SORCS2: variants seen among roughly 807,000 people sequenced by gnomAD.
The protein encoded by SORCS2 is VPS10 domain-containing receptor SorCS2.
Under a neutral mutation model 141.6 loss-of-function variants are expected in SORCS2, and 100 were observed. The ratio of observed to expected loss-of-function variants is 0.71; its 90% CI spans 0.60 to 0.83. SORCS2 has a LOEUF of 0.83. Among genes scored for constraint, SORCS2 ranks in the 40% least tolerant of loss-of-function variants. The pLI is 0.00. For missense variants in SORCS2, 1,646 were observed against 1,560.2 expected, an observed-to-expected ratio of 1.05 and a Z score of -0.93; for synonymous variants, 789 against 676.9, an observed-to-expected ratio of 1.17 and a Z score of -2.57.
At chr4:7,294,590 G>A (rs978128595) in intron 1 of SORCS2, among the ~76,000 whole-genome samples, 2 of 151,478 alleles carry the variant, frequency 1.3e-5, no homozygotes, top group South Asian at 4.2e-4. Context: ...GACTGTTTTT[G>A]TCCTCTGGGC....
chr4:7,440,055 A>G (rs1727558850), intron 2 of SORCS2, among the ~76,000 whole-genome samples: 1 of 152,252 alleles, frequency 6.6e-6, no homozygotes, highest in Non-Finnish European at 1.5e-5. Context: ...TATCACAGAC[A>G]TTCATCCTCC....
At position 7,664,335 on chromosome 4, in the gene SORCS2, G is replaced by T; in HGVS notation, c.953-18G>T. The T allele has an allele frequency of 6.2e-7, 1 of 1,605,146 alleles. No homozygotes were observed. The highest frequency in any genetic ancestry group is 8.5e-7 in the Non-Finnish European group (1 of 1,173,984). ...CGGCTGGAGTCTGACCGCCTGGGTCGGCGCCTCTCTCCTGTAGATTTTCGG... is the reference window on the plus strand; with the variant it reads ...CGGCTGGAGTCTGACCGCCTGGGTCTGCGCCTCTCTCCTGTAGATTTTCGG... On this transcript the variant is annotated intron_variant, in intron 6 of 26. Transcript: ENST00000507866. The surrounding 1 kb of genome is among the most constrained non-coding windows in gnomAD (Gnocchi z 4.7).
At chr4:7,525,028 G>A (rs889773400) in intron 2 of SORCS2, among the ~76,000 whole-genome samples, 3 of 152,240 alleles carry the variant, frequency 2.0e-5, no homozygotes, top group African/African-American at 7.2e-5. Flanking sequence ...CGGACACAGC[G>A]CGGGGAGAGG....
In SORCS2 at chr4:7,697,707, G is replaced by A. The variant is rs1184241498; in HGVS notation, c.1668+433G>A. On this transcript the variant is annotated intron_variant, in intron 12 of 26. Transcript: ENST00000507866. ...CAGAGAGAGGCCAGGAGGGGGCTAC[G>A]GGGGACTCCGGGTTCCTGGCAGGGG... Among the ~76,000 whole-genome samples the A allele has an allele frequency of 5.9e-5, 9 of 152,200 alleles. No homozygotes were observed. The South Asian group carries it at 8.3e-4, about 14-fold the overall frequency.
chr4:7,523,319 C>CGGGAAACTGTGGCCCAGGGA (rs1733461144), intron 2 of SORCS2, among the ~76,000 whole-genome samples: 1 of 152,174 alleles, frequency 6.6e-6, no homozygotes, highest in East Asian at 1.9e-4. Context: ...ACATGTTCAG[C>CGGGAAACTGTGGCCCAGGGA]GGGAAACTGT....
intron 2 of SORCS2, among the ~76,000 whole-genome samples, chr4:7,483,854 T>C (rs994874120): frequency 2.6e-5 from 4 of 152,156 alleles, no homozygotes; most frequent in African/African-American, 9.7e-5. Flanking sequence ...CCATGGCACA[T>C]GTATACCTAT....
intron 3 of SORCS2, among the ~76,000 whole-genome samples, chr4:7,545,073 C>T (rs944580414): frequency 1.7e-4 from 25 of 151,400 alleles, no homozygotes; most frequent in Non-Finnish European, 2.9e-4. Flanking sequence ...ACCCTGGAAA[C>T]TTCAGCCCTA....
At chr4:7,390,241 G>T (rs529644202) in intron 1 of SORCS2, among the ~76,000 whole-genome samples, 2 of 152,156 alleles carry the variant, frequency 1.3e-5, no homozygotes, top group Non-Finnish European at 2.9e-5. Context: ...GGTGCTTTAT[G>T]TGTATTGATT....
chr4:7,400,793 G>A (rs1356717246), intron 2 of SORCS2, among the ~76,000 whole-genome samples: 1 of 146,758 alleles, frequency 6.8e-6, no homozygotes, highest in Non-Finnish European at 1.5e-5. Flanking sequence ...ACAGATAGAT[G>A]AATGGATTGA....
intron 4 of SORCS2, among the ~76,000 whole-genome samples, chr4:7,649,252 A>T (rs1721278215): frequency 6.6e-6 from 1 of 150,840 alleles, no homozygotes; most frequent in African/African-American, 2.4e-5. Flanking sequence ...CCCTGTGCAC[A>T]TATTAGTGCC....
At chr4:7,412,620 A>AGCTCTTGAG (rs1725391164) in intron 2 of SORCS2, among the ~76,000 whole-genome samples, 7 of 152,220 alleles carry the variant, frequency 4.6e-5, no homozygotes, top group Middle Eastern at 6.8e-3. Context: ...ATCGTCTCTC[A>AGCTCTTGAG]GGGTTGGTCC....
chr4:7,711,881 C>T (rs1161579802), intron 14 of SORCS2, among the ~76,000 whole-genome samples: 1 of 152,194 alleles, frequency 6.6e-6, no homozygotes, highest in East Asian at 1.9e-4. Context: ...TTCAGGGAAT[C>T]CCCAGCACCT....
intron 1 of SORCS2, among the ~76,000 whole-genome samples, chr4:7,351,745 C>G (rs1332357859): frequency 6.6e-6 from 1 of 151,950 alleles, no homozygotes; most frequent in Non-Finnish European, 1.5e-5. Context: ...ATTCCTCTCT[C>G]TCTCCCCAAT....
rs1577893542 is a variant in SORCS2 at position 7,648,108 on chromosome 4, G to A, written c.814-6026G>A. ...GGGCTCTGCTTACGGTGGGGCAGGTGGGGTGGCGGGCACCTCTGGGATTGT... is the reference window on the plus strand; with the variant it reads ...GGGCTCTGCTTACGGTGGGGCAGGTAGGGTGGCGGGCACCTCTGGGATTGT... On this transcript the variant is annotated intron_variant, in intron 4 of 26. Coordinates refer to ENST00000507866, the MANE Select transcript of SORCS2 (RefSeq NM_020777.3). The surrounding 1 kb of genome is among the most constrained non-coding windows in gnomAD (Gnocchi z 4.2). Among the ~76,000 whole-genome samples, 1 of 152,130 alleles carries A rather than the reference G, an allele frequency of 6.6e-6. No individual in the cohort carries two copies. The highest frequency in any genetic ancestry group is 6.6e-5 in the Admixed American group (1 of 15,260).
At chr4:7,706,939 C>T (rs188357934) in intron 14 of SORCS2, among the ~76,000 whole-genome samples, 1 of 152,170 alleles carries the variant, frequency 6.6e-6, no homozygotes, top group Non-Finnish European at 1.5e-5. Context: ...CCACCACTGA[C>T]CCCTGCTGCT....
Position 7,638,336 on chromosome 4 carries a change from T to A in SORCS2, c.657T>A (p.Leu219=). 1 of 1,507,786 alleles carries A rather than the reference T, an allele frequency of 6.6e-7. No homozygotes were observed. The highest frequency in any genetic ancestry group is 8.8e-7 in the Non-Finnish European group (1 of 1,133,734). 93.4% of individuals were successfully genotyped at this position (1,507,786 alleles called of 1,614,324 possible). A position where few individuals can be genotyped will look rare whatever the true frequency, so the allele number is the denominator to read the frequency against. The change falls in exon 4 of 27, where the codon CTT becomes CTA. Residue 219 remains leucine, a synonymous_variant. Coordinates refer to ENST00000507866, the MANE Select transcript of SORCS2 (RefSeq NM_020777.3). The part of the protein sequence containing the change: ...ICPTNKRKVI[L]VSSSLSDRDQ... ...CCCGCTTTGTGTTTCAGGTCATCCT[T>A]GTCAGCTCCTCACTCAGTGACCGGG... is the stretch of plus-strand genomic sequence containing the variant.
chr4:7,283,794 T>G (rs1716034695), intron 1 of SORCS2, among the ~76,000 whole-genome samples: 1 of 150,370 alleles, frequency 6.7e-6, no homozygotes, highest in Admixed American at 6.6e-5. Context: ...GGTGAGGGGG[T>G]CCTGGGGAGA....
At chr4:7,515,265 G>A (rs1001066203) in intron 2 of SORCS2, among the ~76,000 whole-genome samples, 2 of 152,218 alleles carry the variant, frequency 1.3e-5, no homozygotes, top group Non-Finnish European at 2.9e-5. Context: ...CTTCCTCCAC[G>A]GGAGCCTGAC....
intron 2 of SORCS2, among the ~76,000 whole-genome samples, chr4:7,467,663 C>G (rs555459937): frequency 2.6e-5 from 4 of 152,176 alleles, no homozygotes; most frequent in Non-Finnish European, 5.9e-5. Flanking sequence ...GGCTCCGGCT[C>G]CCTCAGCCCT....
Sources: gnomAD v4.1 joint callset for allele counts (sites outside exome capture counted in the v4.1 genomes callset) on GRCh38, gnomAD v4.1.1 for gene constraint, Gnocchi (gnomAD v3.1) non-coding constraint, MANE v1.5 for transcripts, NCBI Gene and HGNC (gene_info 2026-07-23, HGNC 2026-07-21) for gene names.